Variants in EMP2 observed in about 807,000 individuals in gnomAD.
EMP2 encodes epithelial membrane protein 2.
Under a neutral mutation model 13.7 loss-of-function variants are expected in EMP2, and 19 were observed. That is an observed-to-expected ratio of 1.38 (90% CI 0.97 to 2.03). The LOEUF (loss-of-function observed/expected upper bound fraction) is 2.03, where lower values mean the gene tolerates loss of function less well. EMP2 is among the 30% of genes most tolerant of loss of function. The probability of loss-of-function intolerance (pLI) is 0.00; values close to 1 mark genes in which losing one functional copy is unlikely to be tolerated. For missense variants in EMP2, 253 were observed against 220.7 expected (o/e 1.15, Z -0.93); for synonymous variants, 97 against 84.7 (o/e 1.15, Z -0.80).
chr16:10,544,811 G>C (rs2050727391), intron 2 of EMP2: 2 of 152,268 alleles, frequency 1.3e-5, no homozygotes, highest in African/African-American at 4.8e-5. Context: ...CTTGAGCCTG[G>C]GCAGTAGAGG....
At chr16:10,574,565 AT>A (rs34505451) in intron 1 of EMP2, among the ~76,000 whole-genome samples, 9,936 of 145,520 alleles carry the variant, frequency 0.068, 1,097 homozygotes, top group African/African-American at 0.23. Flanking sequence ...AAAATTATAC[AT>A]TTTTTTTTTT....
Position 10,532,018 on chromosome 16 carries a change from T to C in EMP2, c.*887A>G, listed in dbSNP as rs1596365757. On this transcript the variant is annotated 3_prime_UTR_variant, in exon 5 of 5. Coordinates refer to ENST00000359543, the MANE Select transcript of EMP2 (RefSeq NM_001424.6). ...CCAAGGTTTTGGCCTGCTGTGGGGG[T>C]TGCATTCACCTCCCCATCTCCACAT... 1 of 154,482 alleles carries C rather than the reference T, an allele frequency of 6.5e-6. No individual in the cohort carries two copies. The highest frequency in any genetic ancestry group is 1.5e-5 in the Non-Finnish European group (1 of 68,220). 9.6% of individuals were successfully genotyped at this position (154,482 alleles called of 1,614,324 possible). A position where few individuals can be genotyped will look rare whatever the true frequency, so the allele number is the denominator to read the frequency against.
chr16:10,540,833 G>T lies in EMP2; in HGVS notation c.169+2737C>A, dbSNP rs139946239. Among the ~76,000 whole-genome samples the T allele has an allele frequency of 1.6e-3, 244 of 152,246 alleles. 1 individual carries two copies. Among genetic ancestry groups the T allele is most frequent in the African/African-American group, 5.8e-3 (240 of 41,550 alleles). On this transcript the variant is annotated intron_variant, in intron 3 of 4. Coordinates refer to ENST00000359543, the MANE Select transcript of EMP2 (RefSeq NM_001424.6). ...ACATTCTCTTTAACATAGACTTATG[G>T]TTTGGGAGGCCACAGTGGGTGAAGT...
chr16:10,537,795 G>T (rs746998279), intron 4 of EMP2, 133 bp downstream of exon 4: 7 of 1,114,114 alleles, frequency 6.3e-6, no homozygotes, highest in Non-Finnish European at 9.1e-6. Flanking sequence ...AACACACACC[G>T]GCACACAGCA....
intron 2 of EMP2, 23 bp downstream of exon 2, chr16:10,547,517 G>T: frequency 6.2e-7 from 1 of 1,613,234 alleles, no homozygotes; most frequent in Non-Finnish European, 8.5e-7. Context: ...GTTTCTGCGT[G>T]AGTGGCAGGA....
chr16:10,559,900 C>G (rs2050859679), intron 1 of EMP2, among the ~76,000 whole-genome samples: 1 of 152,160 alleles, frequency 6.6e-6, no homozygotes, highest in Non-Finnish European at 1.5e-5. Flanking sequence ...GTCTTGAACT[C>G]CTGACCTCAT....
Position 10,529,445 on chromosome 16 carries a change from A to C in EMP2, c.*3460T>G, listed in dbSNP as rs1257215518. ...ATGTCTCAAAAAAGCTTAATGGCACAGGTGGATGTGGGCACTGAATGTTGT... is the reference window on the plus strand; with the variant it reads ...ATGTCTCAAAAAAGCTTAATGGCACCGGTGGATGTGGGCACTGAATGTTGT... On this transcript the variant is annotated 3_prime_UTR_variant, in exon 5 of 5. Coordinates refer to ENST00000359543, the MANE Select transcript of EMP2 (RefSeq NM_001424.6). 1 of 152,224 alleles carries C rather than the reference A, an allele frequency of 6.6e-6. No individual in the cohort carries two copies. Among genetic ancestry groups the C allele is most frequent in the Non-Finnish European group, 1.5e-5 (1 of 68,044 alleles). 9.4% of individuals were successfully genotyped at this position (152,224 alleles called of 1,614,324 possible).
In EMP2 at chr16:10,529,488, C is replaced by A. The variant is rs1158685937; in HGVS notation, c.*3417G>T. 1.3e-5 allele frequency: 2 copies of A among 152,184 alleles called. No individual in the cohort carries two copies. 9.4% of individuals were successfully genotyped at this position (152,184 alleles called of 1,614,324 possible). ...AATGTTGTACAGCAGTGGCAACCAG[C>A]CGGGAAAATCCATAGGATCATTTCA... On this transcript the variant is annotated 3_prime_UTR_variant, in exon 5 of 5. Coordinates refer to ENST00000359543, the MANE Select transcript of EMP2 (RefSeq NM_001424.6).
intron 4 of EMP2, among the ~76,000 whole-genome samples, chr16:10,536,354 C>T (rs985339361): frequency 6.6e-6 from 1 of 152,176 alleles, no homozygotes; most frequent in Non-Finnish European, 1.5e-5. Context: ...ACCCCAATCT[C>T]ACCTTGAATT....
chr16:10,556,281 A>AT (rs938850737), intron 1 of EMP2, among the ~76,000 whole-genome samples: 16 of 150,388 alleles, frequency 1.1e-4, no homozygotes, highest in Non-Finnish European at 2.2e-4. Flanking sequence ...GTTCCTTCCA[A>AT]TTTTTTTTAA....
At position 10,531,025 on chromosome 16, in the gene EMP2, T is replaced by C. The variant is rs914783202; in HGVS notation, c.*1880A>G. ...TCTCAGACTGTCGCCTGGGCTGGAG[T>C]GCAGTGGTGAATCTCGGCTCACTGC... On this transcript the variant is annotated 3_prime_UTR_variant, in exon 5 of 5. Coordinates refer to ENST00000359543, the MANE Select transcript of EMP2 (RefSeq NM_001424.6). 2 of 152,216 alleles carry C rather than the reference T, an allele frequency of 1.3e-5. No individual in the cohort carries two copies. The highest frequency in any genetic ancestry group is 2.4e-5 in the African/African-American group (1 of 41,446). 9.4% of individuals were successfully genotyped at this position (152,216 alleles called of 1,614,324 possible).
chr16:10,555,333 G>C (rs982650576), intron 1 of EMP2, among the ~76,000 whole-genome samples: 1 of 152,130 alleles, frequency 6.6e-6, no homozygotes, highest in Non-Finnish European at 1.5e-5. Context: ...AATTTCTTTA[G>C]GGGCCAAGCA....
chr16:10,560,751 A>T (rs1262774894), intron 1 of EMP2, among the ~76,000 whole-genome samples: 1 of 152,190 alleles, frequency 6.6e-6, no homozygotes, highest in South Asian at 2.1e-4. Flanking sequence ...TGGGTCTCTA[A>T]GGATGGGCGG....
In EMP2 at chr16:10,532,208, G is replaced by A. The variant is rs1487731536; in HGVS notation, c.*697C>T. The A allele has an allele frequency of 1.9e-5, 3 of 154,766 alleles. No homozygotes were observed. The highest frequency in any genetic ancestry group is 7.2e-5 in the African/African-American group (3 of 41,482). The allele number at this position is 154,766 out of a possible 1,614,324, so 9.6% of individuals were successfully genotyped here. ...ATTCTGTAGGTCTGGGGTGAGGGGG[G>A]GGGCGCTGTAGGTTTTGCCTAAAGA... On this transcript the variant is annotated 3_prime_UTR_variant, in exon 5 of 5. Coordinates refer to ENST00000359543, the MANE Select transcript of EMP2 (RefSeq NM_001424.6).
At chr16:10,579,124 G>A (rs1166519476) in intron 1 of EMP2, among the ~76,000 whole-genome samples, 4 of 152,206 alleles carry the variant, frequency 2.6e-5, no homozygotes, top group Non-Finnish European at 4.4e-5. Flanking sequence ...GGCTCCCAGG[G>A]AGAAACGGAG....
intron 1 of EMP2, among the ~76,000 whole-genome samples, chr16:10,563,718 C>A (rs1365226360): frequency 6.6e-6 from 1 of 152,208 alleles, no homozygotes; most frequent in African/African-American, 2.4e-5. Flanking sequence ...AGAGCACAGA[C>A]TTGAGCCAGA....
chr16:10,554,083 G>C (rs1239046919), intron 1 of EMP2, among the ~76,000 whole-genome samples: 2 of 150,026 alleles, frequency 1.3e-5, no homozygotes, highest in Non-Finnish European at 3.0e-5. Context: ...CCAGGCTGGA[G>C]TGCAGTGACG....
chr16:10,535,059 T>G (rs2050636683), intron 4 of EMP2, among the ~76,000 whole-genome samples: 1 of 152,254 alleles, frequency 6.6e-6, no homozygotes, highest in Non-Finnish European at 1.5e-5. Context: ...TGCTGGTGCC[T>G]GGATCTTCTT....
At chr16:10,568,517 G>A (rs756517839) in intron 1 of EMP2, among the ~76,000 whole-genome samples, 13 of 152,168 alleles carry the variant, frequency 8.5e-5, no homozygotes, top group Admixed American at 3.3e-4. Context: ...CCTGCTGCTA[G>A]AGTGGCAAAT....
Sources: allele counts gnomAD v4.1 joint callset (sites outside exome capture counted in the v4.1 genomes callset), GRCh38; gene constraint gnomAD v4.1.1; transcripts MANE v1.5; gene names NCBI Gene and HGNC (gene_info 2026-07-23, HGNC 2026-07-21).